Variants in NBAS observed in about 807,000 individuals in gnomAD.
The protein encoded by NBAS is NAG/BC035112 fusion.
NBAS carries 219 observed loss-of-function variants against 302.5 expected under a neutral mutation model. The observed-to-expected ratio is 0.72, with a 90% confidence interval of 0.65 to 0.81. NBAS has a LOEUF of 0.81. NBAS is among the 30% of genes least tolerant of loss of function. NBAS has a pLI of 0.00. For missense variants in NBAS, 2,932 were observed against 2,841.6 expected (o/e 1.03, Z -0.72); for synonymous variants, 1,118 against 1,021.6 (o/e 1.09, Z -1.80).
intron 13 of NBAS, among the ~76,000 whole-genome samples, chr2:15,477,760 A>C (rs1467254571): frequency 6.6e-6 from 1 of 152,202 alleles, no homozygotes; most frequent in East Asian, 1.9e-4. Flanking sequence ...AATGACAATT[A>C]TTACTTTTAT....
At chr2:15,249,475 C>T (rs1401839130) in intron 44 of NBAS, among the ~76,000 whole-genome samples, 2 of 152,076 alleles carry the variant, frequency 1.3e-5, no homozygotes, top group Non-Finnish European at 1.5e-5. Context: ...GGCAATCACG[C>T]AAGAGAAAGA....
At chr2:15,076,277 T>A in the NBAS span, among the ~76,000 whole-genome samples, 1 of 152,186 alleles carries the variant, frequency 6.6e-6, no homozygotes, top group Non-Finnish European at 1.5e-5. Flanking sequence ...GATCATGGAA[T>A]ATCTAACATA....
chr2:15,191,909 C>T (rs1035262323), intron 48 of NBAS, among the ~76,000 whole-genome samples: 10 of 152,184 alleles, frequency 6.6e-5, no homozygotes, highest in South Asian at 4.1e-4. Flanking sequence ...CCCTTGCATA[C>T]GTAAAATCAT....
chr2:15,393,156 G>C (rs536521845), intron 28 of NBAS, among the ~76,000 whole-genome samples: 1 of 152,058 alleles, frequency 6.6e-6, no homozygotes, highest in Admixed American at 6.5e-5. Flanking sequence ...TGTTAACAAA[G>C]GGGGGAGAAA....
At chr2:14,887,448 A>G in the NBAS span, among the ~76,000 whole-genome samples, 1 of 150,530 alleles carries the variant, frequency 6.6e-6, no homozygotes, top group Non-Finnish European at 1.5e-5. Flanking sequence ...TTGCTTCTGA[A>G]GACAGTGTGT....
chr2:15,095,892 ATCTGACAGTG>A, the NBAS span, among the ~76,000 whole-genome samples: 1 of 152,194 alleles, frequency 6.6e-6, no homozygotes, highest in African/African-American at 2.4e-5. Flanking sequence ...ACGGCACAGT[ATCTGACAGTG>A]TCTTGGAGAC....
At chr2:14,959,319 T>C in the NBAS span, among the ~76,000 whole-genome samples, 1 of 152,210 alleles carries the variant, frequency 6.6e-6, no homozygotes, top group Non-Finnish European at 1.5e-5. Context: ...AATCATCGTA[T>C]TAACCCTCTG....
chr2:15,350,840 C>T (rs1673319179), intron 35 of NBAS, among the ~76,000 whole-genome samples: 1 of 152,196 alleles, frequency 6.6e-6, no homozygotes, highest in Non-Finnish European at 1.5e-5. Flanking sequence ...AGGAAACCAA[C>T]AATAGCAATG....
the NBAS span, among the ~76,000 whole-genome samples, chr2:14,979,497 T>C: frequency 2.6e-5 from 4 of 152,200 alleles, no homozygotes; most frequent in African/African-American, 9.7e-5. Flanking sequence ...AGAATACTTG[T>C]TAATAGTACT....
At chr2:15,322,777 C>A (rs1671871664) in intron 38 of NBAS, among the ~76,000 whole-genome samples, 1 of 152,146 alleles carries the variant, frequency 6.6e-6, no homozygotes, top group Non-Finnish European at 1.5e-5. Flanking sequence ...CCCTTCAATT[C>A]TGCTGAGTTT....
chr2:14,977,230 A>C, the NBAS span, among the ~76,000 whole-genome samples: 1 of 152,322 alleles, frequency 6.6e-6, no homozygotes, highest in East Asian at 1.9e-4. Flanking sequence ...AAAAAGAGAG[A>C]GAGATCTAGA....
At chr2:15,545,390 G>A (rs1664061264) in intron 6 of NBAS, among the ~76,000 whole-genome samples, 1 of 152,028 alleles carries the variant, frequency 6.6e-6, no homozygotes, top group African/African-American at 2.4e-5. Context: ...TTTTCTTGAA[G>A]AATATTAACA....
chr2:15,086,538 C>T, the NBAS span, among the ~76,000 whole-genome samples: 2 of 152,188 alleles, frequency 1.3e-5, no homozygotes, highest in Non-Finnish European at 2.9e-5. Context: ...GAGCTGTGGC[C>T]CCTTGGGGAG....
At chr2:15,543,340 C>G (rs1486370564) in intron 6 of NBAS, among the ~76,000 whole-genome samples, 1 of 152,174 alleles carries the variant, frequency 6.6e-6, no homozygotes. Context: ...TTAAATAGCA[C>G]TTCCTTAGAA....
At chr2:14,899,078 G>T in the NBAS span, among the ~76,000 whole-genome samples, 2 of 152,174 alleles carry the variant, frequency 1.3e-5, no homozygotes, top group South Asian at 4.1e-4. Flanking sequence ...CAGCAGGGTG[G>T]CTGGACTTCT....
chr2:15,467,690 T>G lies in NBAS; in HGVS notation c.1992A>C (p.Glu664Asp), dbSNP rs1679781908. 1 of 1,612,580 alleles carries G rather than the reference T, an allele frequency of 6.2e-7. No individual in the cohort carries two copies. The highest frequency in any genetic ancestry group is 8.5e-7 in the Non-Finnish European group (1 of 1,179,072). Reference sequence around the variant, plus strand: ...TGGAAAAGTTCACTAATTTCAGTAGTTCTTGTCTCTTCTTGAGCTCCTTTT... The same window carrying G: ...TGGAAAAGTTCACTAATTTCAGTAGGTCTTGTCTCTTCTTGAGCTCCTTTT... ...KKEKELKKRQ[E>D]LLKLVNFSKL... The change falls in exon 18 of 52, where the codon GAA becomes GAC. Residue 664 changes from glutamate to aspartate, a missense_variant. Glu to Asp is a conservative substitution (Grantham distance 45, BLOSUM62 2). Coordinates refer to ENST00000281513, the MANE Select transcript of NBAS (RefSeq NM_015909.4).
At chr2:14,906,779 G>C in the NBAS span, among the ~76,000 whole-genome samples, 1 of 152,130 alleles carries the variant, frequency 6.6e-6, no homozygotes, top group African/African-American at 2.4e-5. Flanking sequence ...AGTCCTCAAC[G>C]TGGAGAAAAC....
chr2:14,994,890 C>T, the NBAS span, among the ~76,000 whole-genome samples: 1 of 152,170 alleles, frequency 6.6e-6, no homozygotes, highest in East Asian at 1.9e-4. Flanking sequence ...TATCACTGCT[C>T]ATTGCTCAAT....
At chr2:15,534,843 T>C (rs898563126) in intron 8 of NBAS, among the ~76,000 whole-genome samples, 1 of 152,142 alleles carries the variant, frequency 6.6e-6, no homozygotes, top group Non-Finnish European at 1.5e-5. Context: ...TTTATAAAAA[T>C]AAACTATGTC....
Sources: allele counts gnomAD v4.1 joint callset (sites outside exome capture counted in the v4.1 genomes callset), GRCh38; gene constraint gnomAD v4.1.1; transcripts MANE v1.5; gene names NCBI Gene and HGNC (gene_info 2026-07-23, HGNC 2026-07-21).